The following ARB2A variants were observed in gnomAD, a reference collection of about 807,000 sequenced individuals.
ARB2A encodes the protein ARB2 cotranscriptional regulator A.
chr5:93,871,083 A>C, the ARB2A span, among the ~76,000 whole-genome samples: 1 of 152,228 alleles, frequency 6.6e-6, no homozygotes, highest in Non-Finnish European at 1.5e-5. Flanking sequence ...TTCAAGAAAA[A>C]CAACTGATGG....
chr5:94,024,201 T>C, the ARB2A span, among the ~76,000 whole-genome samples: 9 of 152,130 alleles, frequency 5.9e-5, no homozygotes, highest in Non-Finnish European at 1.3e-4. Flanking sequence ...TAGATGAGAG[T>C]CACATTTAAA....
chr5:93,963,347 G>A, the ARB2A span, among the ~76,000 whole-genome samples: 2 of 151,952 alleles, frequency 1.3e-5, no homozygotes, highest in African/African-American at 2.4e-5. Context: ...AAGGGTTGAT[G>A]TAGCTGTTAC....
chr5:94,095,998 C>G, the ARB2A span, among the ~76,000 whole-genome samples: 1 of 152,174 alleles, frequency 6.6e-6, no homozygotes, highest in Non-Finnish European at 1.5e-5. Flanking sequence ...CATCCTCTAC[C>G]AGCCTGATCT....
the ARB2A span, among the ~76,000 whole-genome samples, chr5:93,732,120 A>G: frequency 6.6e-6 from 1 of 152,126 alleles, no homozygotes; most frequent in African/African-American, 2.4e-5. Flanking sequence ...AGCCTCTCCC[A>G]AAGCTTCCTG....
At chr5:93,791,492 T>C in the ARB2A span, among the ~76,000 whole-genome samples, 1 of 152,170 alleles carries the variant, frequency 6.6e-6, no homozygotes, top group Non-Finnish European at 1.5e-5. Flanking sequence ...AAAAGGTTTC[T>C]AAGTTCAAAA....
At chr5:93,977,839 ACAGAAGAAATTATTT>A in the ARB2A span, among the ~76,000 whole-genome samples, 2 of 152,200 alleles carry the variant, frequency 1.3e-5, no homozygotes, top group Non-Finnish European at 2.9e-5. Flanking sequence ...AATCTATAGA[ACAGAAGAAATTATTT>A]TAAAACTATG....
At chr5:94,027,956 A>AC in the ARB2A span, among the ~76,000 whole-genome samples, 2 of 151,742 alleles carry the variant, frequency 1.3e-5, no homozygotes, top group African/African-American at 2.4e-5. Flanking sequence ...GAATTAGAGG[A>AC]CCCCCCAGCT....
chr5:93,834,275 T>C, the ARB2A span, among the ~76,000 whole-genome samples: 3 of 152,200 alleles, frequency 2.0e-5, no homozygotes, highest in African/African-American at 7.2e-5. Flanking sequence ...ACCATAAGTA[T>C]TGTTATGAGC....
the ARB2A span, among the ~76,000 whole-genome samples, chr5:93,918,215 T>G: frequency 2.6e-4 from 40 of 152,240 alleles, no homozygotes; most frequent in East Asian, 7.3e-3. Flanking sequence ...TTCCAACTTT[T>G]GTCAGTGATA....
chr5:94,095,754 T>A, the ARB2A span, among the ~76,000 whole-genome samples: 1 of 152,124 alleles, frequency 6.6e-6, no homozygotes, highest in African/African-American at 2.4e-5. Flanking sequence ...ACCTTCGTAG[T>A]AGACACCCAA....
At chr5:93,696,536 T>G in the ARB2A span, among the ~76,000 whole-genome samples, 2 of 152,186 alleles carry the variant, frequency 1.3e-5, no homozygotes, top group East Asian at 1.9e-4. Flanking sequence ...ATAGCTCCTT[T>G]GCAATCCTCA....
the ARB2A span, among the ~76,000 whole-genome samples, chr5:93,825,914 TTC>T: frequency 3.3e-5 from 5 of 151,712 alleles, no homozygotes; most frequent in Admixed American, 6.6e-5. Context: ...AATAAATATT[TTC>T]TGTTGAAATT....
At chr5:93,982,930 C>T in the ARB2A span, among the ~76,000 whole-genome samples, 59 of 152,242 alleles carry the variant, frequency 3.9e-4, no homozygotes, top group Middle Eastern at 3.4e-3. Flanking sequence ...TGGCATGCAC[C>T]TGTAGCCTCA....
At chr5:93,892,422 TA>T in the ARB2A span, among the ~76,000 whole-genome samples, 1 of 152,208 alleles carries the variant, frequency 6.6e-6, no homozygotes, top group East Asian at 1.9e-4. Context: ...CACACAAAAG[TA>T]AAACTACAAT....
chr5:93,831,667 C>A, the ARB2A span, among the ~76,000 whole-genome samples: 649 of 152,220 alleles, frequency 4.3e-3, 8 homozygotes, highest in African/African-American at 0.015. Context: ...GAAAAATGAG[C>A]AAAATTTTGT....
At chr5:93,759,369 A>G in the ARB2A span, among the ~76,000 whole-genome samples, 1 of 152,198 alleles carries the variant, frequency 6.6e-6, no homozygotes, top group Admixed American at 6.5e-5. Flanking sequence ...AGATAGAGAA[A>G]GAAGGAACCC....
At chr5:94,054,812 T>A in the ARB2A span, among the ~76,000 whole-genome samples, 10 of 152,344 alleles carry the variant, frequency 6.6e-5, no homozygotes, top group East Asian at 1.9e-3. Flanking sequence ...CTTATTTATA[T>A]CAGTATGGAC....
chr5:94,108,224 T>G, the ARB2A span, among the ~76,000 whole-genome samples: 5 of 152,042 alleles, frequency 3.3e-5, no homozygotes, highest in Non-Finnish European at 5.9e-5. Flanking sequence ...CGACATCTAC[T>G]ACACAGGCAC....
the ARB2A span, among the ~76,000 whole-genome samples, chr5:93,726,121 C>T: frequency 6.6e-6 from 1 of 152,052 alleles, no homozygotes; most frequent in Non-Finnish European, 1.5e-5. Context: ...ATTGGATCTT[C>T]CTATGTGCAA....
Sources: gnomAD v4.1 joint callset for allele counts (sites outside exome capture counted in the v4.1 genomes callset) on GRCh38, gnomAD v4.1.1 for gene constraint, MANE v1.5 for transcripts, NCBI Gene and HGNC (gene_info 2026-07-23, HGNC 2026-07-21) for gene names.